Variants in FAM3C observed in about 807,000 individuals in gnomAD.
FAM3C encodes the protein protein FAM3C.
FAM3C carries 15 observed loss-of-function variants against 32.5 expected under a neutral mutation model. That is an observed-to-expected ratio of 0.46 (90% CI 0.31 to 0.71). FAM3C has a LOEUF of 0.71. Among genes scored for constraint, FAM3C ranks in the 30% least tolerant of loss-of-function variants. FAM3C has a pLI of 0.05. For missense variants in FAM3C, 175 were observed against 274.4 expected (o/e 0.64, Z 2.56); for synonymous variants, 75 against 86.1 (o/e 0.87, Z 0.72).
chr7:121,353,768 G>T (rs1793755368), intron 8 of FAM3C, among the ~76,000 whole-genome samples: 1 of 152,166 alleles, frequency 6.6e-6, no homozygotes, highest in Non-Finnish European at 1.5e-5. Flanking sequence ...ACTGGTTGCT[G>T]GAAGAATTAA....
chr7:121,358,072 T>C (rs574798031), intron 8 of FAM3C, among the ~76,000 whole-genome samples: 2 of 152,152 alleles, frequency 1.3e-5, no homozygotes, highest in Non-Finnish European at 2.9e-5. Context: ...TTACATCCTG[T>C]TTCATTCTAT....
chr7:121,359,997 A>G, intron 8 of FAM3C, 46 bp downstream of exon 8: 1 of 985,564 alleles, frequency 1.0e-6, no homozygotes, highest in Non-Finnish European at 1.6e-6. Flanking sequence ...TATTGCTTTT[A>G]TAATTACAAA....
intron 3 of FAM3C, among the ~76,000 whole-genome samples, chr7:121,375,275 A>G (rs1375818231): frequency 6.6e-6 from 1 of 152,164 alleles, no homozygotes; most frequent in Non-Finnish European, 1.5e-5. Context: ...AAAAAATGAG[A>G]AAGATGTGCA....
chr7:121,386,569 C>A lies in FAM3C; in HGVS notation c.-41-3559G>T, dbSNP rs181509688. 3.2e-3 allele frequency among the ~76,000 whole-genome samples: 484 copies of A among 151,954 alleles called. 4 individuals carry two copies. The highest frequency in any genetic ancestry group is 0.011 in the African/African-American group (468 of 41,426). On this transcript the variant is annotated intron_variant, in intron 1 of 9. Coordinates refer to ENST00000359943, the MANE Select transcript of FAM3C (RefSeq NM_014888.3). ...CTTATAATAAACATATACACACACA[C>A]ACACAAACACGCACATACAAATCAT... is the stretch of plus-strand genomic sequence containing the variant.
At chr7:121,388,050 A>T (rs1470094623) in intron 1 of FAM3C, among the ~76,000 whole-genome samples, 5 of 152,148 alleles carry the variant, frequency 3.3e-5, no homozygotes, top group Non-Finnish European at 5.9e-5. Context: ...ATTAACATTT[A>T]AAAACTCAGT....
At chr7:121,367,155 TTC>T (rs1794037889) in intron 5 of FAM3C, among the ~76,000 whole-genome samples, 1 of 152,324 alleles carries the variant, frequency 6.6e-6, no homozygotes, top group South Asian at 2.1e-4. Flanking sequence ...TTGAAATATT[TTC>T]TTTTATCCTT....
chr7:121,360,013 G>A (rs902956509), intron 8 of FAM3C, 30 bp downstream of exon 8: 1 of 1,111,764 alleles, frequency 9.0e-7, no homozygotes, highest in African/African-American at 1.7e-5. Flanking sequence ...ACAAATTATA[G>A]TTCCAAAAAG....
intron 8 of FAM3C, among the ~76,000 whole-genome samples, chr7:121,353,071 T>TA (rs1164853131): frequency 1.3e-5 from 2 of 152,182 alleles, no homozygotes; most frequent in Non-Finnish European, 2.9e-5. Context: ...TATGAATTGA[T>TA]ACCTCACAGG....
Position 121,378,970 on chromosome 7 carries a change from A to G in FAM3C, c.58T>C (p.Phe20Leu). ...VVAVAVFLLT[F>L]YVISQVFEIK... ...TCAAATACTTGAGAAATAACATAAA[A>G]TGTCAGTAAAAACACTGCCACAGCT... Residue 20 changes from phenylalanine to leucine, a missense_variant, in exon 3 of 10, where the codon TTT (phenylalanine) becomes CTT (leucine). Coordinates refer to ENST00000359943, the MANE Select transcript of FAM3C (RefSeq NM_014888.3). 1 of 1,580,608 alleles carries G rather than the reference A, an allele frequency of 6.3e-7. No individual in the cohort carries two copies. Among genetic ancestry groups the G allele is most frequent in the Middle Eastern group, 1.7e-4 (1 of 5,996 alleles).
intron 9 of FAM3C, 128 bp downstream of exon 9, chr7:121,351,014 AT>A: frequency 1.1e-6 from 1 of 894,546 alleles, no homozygotes; most frequent in South Asian, 2.0e-5. Flanking sequence ...ATTACCAAGA[AT>A]TTATGACAAA....
At chr7:121,370,774 T>C (rs1562887988) in intron 5 of FAM3C, among the ~76,000 whole-genome samples, 2 of 152,254 alleles carry the variant, frequency 1.3e-5, no homozygotes, top group South Asian at 4.1e-4. Context: ...ATGAAAGACG[T>C]TGGATTTCAT....
At chr7:121,396,126 TGA>T (rs1178754942) in intron 1 of FAM3C, 34 bp downstream of exon 1, 1 of 152,578 alleles carries the variant, frequency 6.6e-6, no homozygotes, top group African/African-American at 2.4e-5. Context: ...TCCCCGAACC[TGA>T]GCCCCGGCTC....
At chr7:121,362,687 A>C (rs1188964722) in intron 7 of FAM3C, 1 of 511,434 alleles carries the variant, frequency 2.0e-6, no homozygotes, top group East Asian at 3.7e-5. Flanking sequence ...CTTCAATTAT[A>C]CACCACAAAA....
At chr7:121,389,730 T>TGAG (rs1355179147) in intron 1 of FAM3C, among the ~76,000 whole-genome samples, 1 of 151,044 alleles carries the variant, frequency 6.6e-6, no homozygotes, top group East Asian at 1.9e-4. Flanking sequence ...CTGGCATTAA[T>TGAG]GAGGGCTGTG....
At position 121,385,962 on chromosome 7, in the gene FAM3C, G is replaced by A. The variant is rs114394272; in HGVS notation, c.-41-2952C>T. Among the ~76,000 whole-genome samples, 915 of 152,194 alleles carry A rather than the reference G, an allele frequency of 6.0e-3. 10 individuals carry two copies. The highest frequency in any genetic ancestry group is 0.02 in the African/African-American group (848 of 41,520). On this transcript the variant is annotated intron_variant, in intron 1 of 9. Transcript: ENST00000359943. ...CATGAAGGGTAAGTAAGAAGCTCACGCTACAAACAAATCCACTTCCTTTTC... is the reference window on the plus strand; with the variant it reads ...CATGAAGGGTAAGTAAGAAGCTCACACTACAAACAAATCCACTTCCTTTTC...
At chr7:121,390,969 G>C (rs1794567967) in intron 1 of FAM3C, among the ~76,000 whole-genome samples, 1 of 151,006 alleles carries the variant, frequency 6.6e-6, no homozygotes. Flanking sequence ...CACCAGAATG[G>C]GTCTTCAGTT....
At chr7:121,372,025 C>A in intron 4 of FAM3C, 85 bp downstream of exon 4, 1 of 954,066 alleles carries the variant, frequency 1.0e-6, no homozygotes, top group Non-Finnish European at 1.6e-6. Flanking sequence ...TTTCCTCATA[C>A]TGAACTACTG....
intron 3 of FAM3C, among the ~76,000 whole-genome samples, chr7:121,373,944 C>A (rs1030504981): frequency 4.7e-5 from 7 of 148,942 alleles, no homozygotes; most frequent in African/African-American, 1.7e-4. Flanking sequence ...TGTGGTGAGC[C>A]GAGATTGTGC....
rs763485264 is a variant in FAM3C, at chr7:121,371,355, T to C, written c.217A>G (p.Met73Val). ...ACPEKHFAFK[M>V]ASGAANVVGP... Reference sequence around the variant, plus strand: ...ACCACGTTGGCTGCTCCACTTGCCATTTTAAAAGCAAAATGCTTCTCAGGG... The same window carrying C: ...ACCACGTTGGCTGCTCCACTTGCCACTTTAAAAGCAAAATGCTTCTCAGGG... The change falls in exon 5 of 10, where the codon ATG becomes GTG. Residue 73 changes from methionine to valine, a missense_variant. By Grantham distance (21) the Met-to-Val change is conservative (BLOSUM62 1). Transcript: ENST00000359943. 4 of 1,613,952 alleles carry C rather than the reference T, an allele frequency of 2.5e-6. No homozygotes were observed. The South Asian group carries it at 4.4e-5, about 18-fold the overall frequency.
Sources: allele counts gnomAD v4.1 joint callset (sites outside exome capture counted in the v4.1 genomes callset), GRCh38; gene constraint gnomAD v4.1.1; transcripts MANE v1.5; gene names NCBI Gene and HGNC (gene_info 2026-07-23, HGNC 2026-07-21).